PIK3R3: variants seen among roughly 807,000 people sequenced by gnomAD.
PIK3R3 encodes phosphatidylinositol 3-kinase regulatory subunit gamma.
Under a neutral mutation model 62.9 loss-of-function variants are expected in PIK3R3, and 64 were observed. The ratio of observed to expected loss-of-function variants is 1.02; its 90% CI spans 0.83 to 1.25. The LOEUF is 1.25. PIK3R3 is among the 50% of genes most tolerant of loss of function. PIK3R3 has a pLI of 0.00. For missense variants in PIK3R3, 614 were observed against 561.6 expected (o/e 1.09, Z -0.94); for synonymous variants, 165 against 189.0 (o/e 0.87, Z 1.04).
At position 46,132,185 on chromosome 1, in the gene PIK3R3, A is replaced by AG; in HGVS notation, c.-234dup. On this transcript the variant is annotated 5_prime_UTR_variant, in exon 1 of 10. Coordinates refer to ENST00000262741, the MANE Select transcript of PIK3R3 (RefSeq NM_003629.4). ...TCAAGCTATGGGCTTTTCTCCTCAG[A>AG]GGATTACACAGAGGCTTGGGGGACG... 1 of 1,293,522 alleles carries AG rather than the reference A, an allele frequency of 7.7e-7. No individual in the cohort carries two copies. The highest frequency in any genetic ancestry group is 9.9e-7 in the Non-Finnish European group (1 of 1,015,060). The allele number at this position is 1,293,522 out of a possible 1,614,324, so 80.1% of individuals were successfully genotyped here.
At chr1:46,167,648 T>C in the PIK3R3 span, among the ~76,000 whole-genome samples, 2 of 152,248 alleles carry the variant, frequency 1.3e-5, no homozygotes, top group African/African-American at 4.8e-5. Context: ...GGTCCTCATA[T>C]CCCTGAGGCC....
chr1:46,152,472 G>A, the PIK3R3 span, among the ~76,000 whole-genome samples: 1 of 151,874 alleles, frequency 6.6e-6, no homozygotes, highest in South Asian at 2.1e-4. Flanking sequence ...TGGCAATTGG[G>A]TTGTTTTCTT....
intron 3 of PIK3R3, among the ~76,000 whole-genome samples, chr1:46,067,462 T>G (rs1649116614): frequency 6.6e-6 from 1 of 151,904 alleles, no homozygotes; most frequent in Non-Finnish European, 1.5e-5. Flanking sequence ...AATATTTTTA[T>G]CAGGAAGAAC....
At position 46,101,980 on chromosome 1, in the gene PIK3R3, CTTTT is replaced by C. The variant is rs538688681; in HGVS notation, c.107-21234_107-21231del. On this transcript the variant is annotated intron_variant, in intron 1 of 9. Coordinates refer to ENST00000262741, the MANE Select transcript of PIK3R3 (RefSeq NM_003629.4). ...ATGTATCAAAACATTGAATTGTATA[CTTTT>C]TTTTTTTTTTTTTTTTTTTTGAGAC... Among the ~76,000 whole-genome samples the C allele has an allele frequency of 1.7e-4, 15 of 89,940 alleles. No individual in the cohort carries two copies. In the East Asian group the frequency reaches 3.2e-3, roughly 19 times the overall value. The allele number at this position is 89,940 out of a possible 152,430, so 59.0% of individuals were successfully genotyped here. A position where few individuals can be genotyped will look rare whatever the true frequency, so the allele number is the denominator to read the frequency against.
intron 1 of PIK3R3, among the ~76,000 whole-genome samples, chr1:46,129,256 G>C (rs887057453): frequency 6.6e-6 from 1 of 151,870 alleles, no homozygotes; most frequent in African/African-American, 2.4e-5. Context: ...CCAGGAAGAG[G>C]AAAAAAAGCA....
chr1:46,164,577 C>T, the PIK3R3 span, among the ~76,000 whole-genome samples: 6 of 152,104 alleles, frequency 3.9e-5, no homozygotes, highest in Admixed American at 2.0e-4. Flanking sequence ...TGCAGTGAGC[C>T]GAGATTGCGC....
At chr1:46,074,766 A>T (rs955592801) in intron 3 of PIK3R3, among the ~76,000 whole-genome samples, 1 of 152,196 alleles carries the variant, frequency 6.6e-6, no homozygotes, top group Non-Finnish European at 1.5e-5. Context: ...CCCCAGCCTC[A>T]TCAGGGTCTT....
intron 1 of PIK3R3, among the ~76,000 whole-genome samples, chr1:46,111,890 GT>G (rs1229545988): frequency 6.6e-6 from 1 of 152,118 alleles, no homozygotes; most frequent in African/African-American, 2.4e-5. Flanking sequence ...CAAAAAGAAA[GT>G]TAAGTCACCA....
At chr1:46,048,655 C>G (rs1211445286) in intron 7 of PIK3R3, among the ~76,000 whole-genome samples, 1 of 152,096 alleles carries the variant, frequency 6.6e-6, no homozygotes, top group Non-Finnish European at 1.5e-5. Flanking sequence ...AACCACCAAC[C>G]TCTTTAAACT....
intron 1 of PIK3R3, among the ~76,000 whole-genome samples, chr1:46,104,292 T>G (rs890488348): frequency 6.6e-6 from 1 of 152,232 alleles, no homozygotes; most frequent in Non-Finnish European, 1.5e-5. Context: ...ATTGTTCTGG[T>G]AGATTTTTTA....
intron 2 of PIK3R3, among the ~76,000 whole-genome samples, chr1:46,080,012 G>C: frequency 6.6e-6 from 1 of 150,986 alleles, no homozygotes; most frequent in Non-Finnish European, 1.5e-5. Context: ...AAAGTATTAA[G>C]ACACTAATGA....
At chr1:46,126,740 A>C (rs892262424) in intron 1 of PIK3R3, among the ~76,000 whole-genome samples, 1 of 151,924 alleles carries the variant, frequency 6.6e-6, no homozygotes, top group Non-Finnish European at 1.5e-5. Context: ...GTTCAAGGCC[A>C]GCCTGGGGCA....
At chr1:46,119,234 C>T (rs1014743988) in intron 1 of PIK3R3, among the ~76,000 whole-genome samples, 3 of 152,192 alleles carry the variant, frequency 2.0e-5, no homozygotes, top group Admixed American at 6.5e-5. Context: ...TTCACTACTA[C>T]ACTTAGAATA....
chr1:46,101,851 C>A (rs1221876661), intron 1 of PIK3R3, among the ~76,000 whole-genome samples: 1 of 151,518 alleles, frequency 6.6e-6, no homozygotes, highest in Non-Finnish European at 1.5e-5. Flanking sequence ...TACAGCTGCA[C>A]AACACTGTAA....
chr1:46,044,061 T>C lies in PIK3R3; in HGVS notation c.1188-190A>G, dbSNP rs1647049784. ...ATACGGGTGTTAAAACAACCACAAA[T>C]GTAAGGGTTTATTTATTTCTTTTTT... On this transcript the variant is annotated intron_variant, in intron 9 of 9. Coordinates refer to ENST00000262741, the MANE Select transcript of PIK3R3 (RefSeq NM_003629.4). The surrounding 1 kb of genome is among the most constrained non-coding windows in gnomAD (Gnocchi z 4.2). Among the ~76,000 whole-genome samples, 1 of 149,504 alleles carries C rather than the reference T, an allele frequency of 6.7e-6. No individual in the cohort carries two copies. Among genetic ancestry groups the C allele is most frequent in the Non-Finnish European group, 1.5e-5 (1 of 67,516 alleles).
rs541371152 is a variant in PIK3R3, at chr1:46,050,166, A to C, written c.942-3541T>G. Among the ~76,000 whole-genome samples the C allele has an allele frequency of 2.0e-3, 304 of 152,062 alleles. 1 individual carries two copies. Among genetic ancestry groups the C allele is most frequent in the Non-Finnish European group, 3.3e-3 (222 of 67,974 alleles). Reference sequence around the variant, plus strand: ...TGAGGAATGAAACTTGTCTTCCACCAAATTTTATGGACAGACATATTCTCT... The same window carrying C: ...TGAGGAATGAAACTTGTCTTCCACCCAATTTTATGGACAGACATATTCTCT... On this transcript the variant is annotated intron_variant, in intron 7 of 9. Coordinates refer to ENST00000262741, the MANE Select transcript of PIK3R3 (RefSeq NM_003629.4).
At chr1:46,122,389 A>C (rs1401287727) in intron 1 of PIK3R3, among the ~76,000 whole-genome samples, 1 of 152,128 alleles carries the variant, frequency 6.6e-6, no homozygotes, top group East Asian at 1.9e-4. Flanking sequence ...TTCTTTTTTG[A>C]GACAGAGTCT....
chr1:46,157,236 C>A, the PIK3R3 span, among the ~76,000 whole-genome samples: 3 of 152,202 alleles, frequency 2.0e-5, no homozygotes, highest in Non-Finnish European at 4.4e-5. Context: ...TGGGCTCAAG[C>A]CATCCTCCCA....
In PIK3R3 at chr1:46,101,420, C is replaced by T. The variant is rs567993239; in HGVS notation, c.107-20670G>A. ...CTGAGGGAGGCTGAGGCAGGAGAAT[C>T]GCTTGAACCTGGAGGCGGAGGTTGC... is the stretch of plus-strand genomic sequence containing the variant. On this transcript the variant is annotated intron_variant, in intron 1 of 9. Transcript: ENST00000262741. Among the ~76,000 whole-genome samples the T allele has an allele frequency of 2.0e-5, 3 of 151,812 alleles. No homozygotes were observed. In the South Asian group the frequency reaches 6.3e-4, roughly 32 times the overall value.
Sources: allele counts gnomAD v4.1 joint callset (sites outside exome capture counted in the v4.1 genomes callset), GRCh38; gene constraint gnomAD v4.1.1; non-coding constraint Gnocchi (gnomAD v3.1); transcripts MANE v1.5; gene names NCBI Gene and HGNC (gene_info 2026-07-23, HGNC 2026-07-21).